Variants in FNDC3A observed in about 807,000 individuals in gnomAD.
FNDC3A encodes fibronectin type-III domain-containing protein 3A.
A neutral mutation model predicts 148.9 loss-of-function variants in FNDC3A; 32 were observed. The observed-to-expected ratio is 0.21, with a 90% CI of 0.16 to 0.29. The LOEUF (loss-of-function observed/expected upper bound fraction) is 0.29. Among genes scored for constraint, FNDC3A ranks in the 10% least tolerant of loss-of-function variants. The pLI, the probability that FNDC3A is intolerant of heterozygous loss-of-function variation, is 1.00. For synonymous variants in FNDC3A, 472 were observed against 473.6 expected, an observed-to-expected ratio of 1.00 and a Z score of 0.04; for missense variants, 1,191 against 1,452.8, an observed-to-expected ratio of 0.82 and a Z score of 2.93.
intron 25 of FNDC3A, among the ~76,000 whole-genome samples, chr13:49,205,316 C>A (rs1453463466): frequency 6.6e-6 from 1 of 152,182 alleles, no homozygotes; most frequent in African/African-American, 2.4e-5. Context: ...CAAAAATCAT[C>A]TATTATATCC....
chr13:49,188,632 C>A lies in FNDC3A; in HGVS notation c.1943C>A (p.Ala648Glu). 6.3e-7 allele frequency: 1 copy of A among 1,583,840 alleles called. No individual in the cohort carries two copies. The highest frequency in any genetic ancestry group is 1.7e-5 in the Admixed American group (1 of 59,854). Residue 648 changes from alanine to glutamate, a missense_variant and splice_region_variant, in exon 17 of 26, where the codon GCG (alanine) becomes GAG (glutamate). Around this residue, in one of 3 missense-constraint regions of FNDC3A, gnomAD observed 751 missense variants for 944.0 expected, o/e 0.80. Transcript: ENST00000492622. ...TGCATCAGTGATGGAGGACAGAGTG[C>A]GGTAATACTTATATGTAGATTCTTT... ...VYCISDGGQS[A>E]VSESLLVQTP...
At chr13:49,061,333 C>T (rs565620073) in intron 2 of FNDC3A, among the ~76,000 whole-genome samples, 58 of 2,512 alleles carry the variant, frequency 0.023, 1 homozygote, top group African/African-American at 0.1. Flanking sequence ...CCTTCCCTTC[C>T]CTTCCCTTCC....
chr13:49,158,712 G>C, intron 8 of FNDC3A, among the ~76,000 whole-genome samples: 1 of 152,188 alleles, frequency 6.6e-6, no homozygotes, highest in East Asian at 1.9e-4. Flanking sequence ...GTCCTGAATG[G>C]TAATGCCTAG....
intron 2 of FNDC3A, among the ~76,000 whole-genome samples, chr13:49,057,802 T>C (rs1876362042): frequency 6.6e-6 from 1 of 152,158 alleles, no homozygotes; most frequent in Non-Finnish European, 1.5e-5. Context: ...GTCAATTCCA[T>C]TTTGTTTTAG....
chr13:49,057,876 G>A (rs1168111627), intron 2 of FNDC3A, among the ~76,000 whole-genome samples: 4 of 152,010 alleles, frequency 2.6e-5, no homozygotes, highest in Non-Finnish European at 4.4e-5. Flanking sequence ...AAGAAACACA[G>A]GATTTTAGTA....
rs371345433 is a variant in FNDC3A, at chr13:49,068,845, T to G, written c.100-6444T>G. 1.4e-4 allele frequency among the ~76,000 whole-genome samples: 22 copies of G among 152,224 alleles called. No individual in the cohort carries two copies. In the East Asian group the frequency reaches 2.1e-3, roughly 15 times the overall value. On this transcript the variant is annotated intron_variant, in intron 2 of 25. Transcript: ENST00000492622. ...CATGTTCTTACTTACAAGTGGGAGCTAAATGATGAGAACACATGGACATAA... is the reference window on the plus strand; with the variant it reads ...CATGTTCTTACTTACAAGTGGGAGCGAAATGATGAGAACACATGGACATAA...
At position 49,191,116 on chromosome 13, in the gene FNDC3A, A is replaced by G; in HGVS notation, c.2046A>G (p.Arg682=). The change falls in exon 18 of 26, where the codon CGA becomes CGG. Residue 682 remains arginine (R), a synonymous_variant. Transcript: ENST00000492622. ...CCAAAGCAAAAGAAATACAGTTACG[A>G]TGGGGTAATTTCCATTTTGGTAATA... is the stretch of plus-strand genomic sequence containing the variant. ...GRPKAKEIQL[R]WGPPLVDGGS... is the part of the protein sequence containing the mutation. 1 of 1,611,426 alleles carries G rather than the reference A, an allele frequency of 6.2e-7. No individual in the cohort carries two copies.
rs772782633 is a variant in FNDC3A at position 49,145,774 on chromosome 13, A to G, written c.820-4A>G. ...AAGAACTTTTAAATGTTGTATTTTT[A>G]CAGGCCTCCGACATCCAGGCAAGGA... is the stretch of plus-strand genomic sequence containing the variant. On this transcript the variant is annotated splice_polypyrimidine_tract_variant and splice_region_variant and intron_variant, in intron 7 of 25. Transcript: ENST00000492622. The G allele has an allele frequency of 7.4e-6, 12 of 1,612,848 alleles. No individual in the cohort carries two copies. Among genetic ancestry groups the G allele is most frequent in the South Asian group, 2.2e-5 (2 of 90,878 alleles).
At chr13:49,147,454 G>A (rs1372793192) in intron 8 of FNDC3A, among the ~76,000 whole-genome samples, 1 of 151,944 alleles carries the variant, frequency 6.6e-6, no homozygotes, top group Non-Finnish European at 1.5e-5. Context: ...AAGGGGTGGG[G>A]AATGGAAAGA....
At chr13:49,147,045 C>T (rs559653360) in intron 8 of FNDC3A, among the ~76,000 whole-genome samples, 11 of 152,210 alleles carry the variant, frequency 7.2e-5, no homozygotes, top group East Asian at 1.9e-4. Context: ...GAAACTGCTC[C>T]GGTGCCTCTC....
chr13:49,190,912 TATC>T, intron 17 of FNDC3A, 100 bp from the exon 18 acceptor site: 1 of 681,106 alleles, frequency 1.5e-6, no homozygotes, highest in Non-Finnish European at 2.5e-6. Context: ...AATTTCAAAT[TATC>T]AGTGCAATAT....
At position 49,049,711 on chromosome 13, in the gene FNDC3A, CTTTTCTT is replaced by C. The variant is rs374032160; in HGVS notation, c.100-25559_100-25553del. On this transcript the variant is annotated intron_variant, in intron 2 of 25. Transcript: ENST00000492622. ...TGGATCTTCTCTCTTCTCTTCTTTT[CTTTTCTT>C]TTTTCTTTTTTCTTTTTTTGAGATG... Among the ~76,000 whole-genome samples the C allele has an allele frequency of 3.0e-3, 273 of 90,552 alleles. 2 individuals carry two copies. The highest frequency in any genetic ancestry group is 7.5e-3 in the African/African-American group (233 of 31,098). 59.4% of individuals were successfully genotyped at this position (90,552 alleles called of 152,430 possible). A position where few individuals can be genotyped will look rare whatever the true frequency, so the allele number is the denominator to read the frequency against.
At chr13:48,985,714 T>C (rs894337984) in intron 1 of FNDC3A, among the ~76,000 whole-genome samples, 1 of 151,800 alleles carries the variant, frequency 6.6e-6, no homozygotes, top group African/African-American at 2.4e-5. Flanking sequence ...TAACAACCAA[T>C]CCCAGAAAAC....
In FNDC3A at chr13:49,201,939, C is replaced by T. The variant is rs146827864; in HGVS notation, c.3127C>T (p.Pro1043Ser). The T allele has an allele frequency of 5.7e-6, 9 of 1,582,282 alleles. No individual in the cohort carries two copies. The African/African-American group carries it at 6.8e-5, about 12-fold the overall frequency. ...PLSQEYIFTT[P>S]KSVPAALKAP... ...CTCCCAAGAATATATTTTCACTACT[C>T]CAAAATCTGTCCCAGCTGCCTTGAA... Residue 1043 changes from proline to serine, a missense_variant, in exon 24 of 26, where the codon CCA (proline) becomes TCA (serine). Physicochemically the swap from Pro to Ser is moderately conservative, Grantham distance 74. Transcript: ENST00000492622.
chr13:49,167,660 T>C (rs1884547478), intron 9 of FNDC3A, among the ~76,000 whole-genome samples: 1 of 152,090 alleles, frequency 6.6e-6, no homozygotes, highest in Non-Finnish European at 1.5e-5. Flanking sequence ...GAGCCATGAT[T>C]GTGCCATTGT....
At chr13:49,064,390 T>A (rs1877111748) in intron 2 of FNDC3A, among the ~76,000 whole-genome samples, 16 of 93,882 alleles carry the variant, frequency 1.7e-4, no homozygotes, top group Admixed American at 2.6e-4. Flanking sequence ...AATATAGAAA[T>A]ATTGCCCCCC....
chr13:49,077,409 G>A (rs1476121571), intron 3 of FNDC3A, among the ~76,000 whole-genome samples: 1 of 152,198 alleles, frequency 6.6e-6, no homozygotes, highest in Non-Finnish European at 1.5e-5. Context: ...GTCTAGCCCA[G>A]GCAAACTTCC....
intron 8 of FNDC3A, among the ~76,000 whole-genome samples, chr13:49,164,243 T>C (rs1884328847): frequency 6.6e-6 from 1 of 152,246 alleles, no homozygotes; most frequent in Non-Finnish European, 1.5e-5. Context: ...AGTTTTCTGC[T>C]GAGAAATCCC....
rs1203967148 is a variant in FNDC3A, at chr13:49,145,780, C to T, written c.822C>T (p.Ala274=). 2.5e-6 allele frequency: 4 copies of T among 1,612,904 alleles called. No individual in the cohort carries two copies. The highest frequency in any genetic ancestry group is 2.5e-6 in the Non-Finnish European group (3 of 1,179,542). Reference sequence around the variant, plus strand: ...TTTTAAATGTTGTATTTTTACAGGCCTCCGACATCCAGGCAAGGACAGTAG... The same window carrying T: ...TTTTAAATGTTGTATTTTTACAGGCTTCCGACATCCAGGCAAGGACAGTAG... ...ALLSNIVKPV[A]SDIQARTVVL... is the part of the protein sequence containing the mutation. Residue 274 remains alanine (A), a splice_region_variant and synonymous_variant, in exon 8 of 26, where the codon GCC becomes GCT. Coordinates refer to ENST00000492622, the MANE Select transcript of FNDC3A (RefSeq NM_001079673.2).
Sources: allele counts gnomAD v4.1 joint callset (sites outside exome capture counted in the v4.1 genomes callset), GRCh38; gene constraint gnomAD v4.1.1; regional missense constraint gnomAD v4.1.1; transcripts MANE v1.5; gene names NCBI Gene and HGNC (gene_info 2026-07-23, HGNC 2026-07-21).